The following ADAMTS17 variants were observed in gnomAD, a reference collection of about 807,000 sequenced individuals.
ADAMTS17 encodes ADAM metallopeptidase with thrombospondin type 1 motif 17.
A neutral mutation model predicts 141.5 loss-of-function variants in ADAMTS17; 113 were observed. That is an observed-to-expected ratio of 0.80 (90% CI 0.69 to 0.93). ADAMTS17 has a LOEUF of 0.93. Ranked by LOEUF, ADAMTS17 falls within the 40% of genes least tolerant of loss-of-function variation. The pLI, the probability that ADAMTS17 is intolerant of heterozygous loss-of-function variation, is 0.00. For synonymous variants in ADAMTS17, 768 were observed against 630.6 expected (o/e 1.22, Z -3.27); for missense variants, 1,659 against 1,517.9 (o/e 1.09, Z -1.54).
chr15:100,089,347 G>C (rs1205659993), intron 15 of ADAMTS17, among the ~76,000 whole-genome samples: 1 of 139,466 alleles, frequency 7.2e-6, no homozygotes, highest in Non-Finnish European at 1.5e-5. Flanking sequence ...GTGCTGGAGA[G>C]GATGTGGAGA....
intron 8 of ADAMTS17, among the ~76,000 whole-genome samples, chr15:100,174,989 T>C (rs1049646132): frequency 6.6e-6 from 1 of 152,106 alleles, no homozygotes; most frequent in Admixed American, 6.5e-5. Flanking sequence ...CCTCCCAGAA[T>C]ATGCAGCCCT....
intron 8 of ADAMTS17, among the ~76,000 whole-genome samples, chr15:100,173,295 C>A (rs759129593): frequency 6.6e-6 from 1 of 152,130 alleles, no homozygotes; most frequent in East Asian, 1.9e-4. Context: ...CCCTACAGGG[C>A]AAGTTCATCT....
At chr15:100,107,494 G>A (rs2036482307) in intron 14 of ADAMTS17, among the ~76,000 whole-genome samples, 1 of 152,200 alleles carries the variant, frequency 6.6e-6, no homozygotes, top group Admixed American at 6.5e-5. Flanking sequence ...ATGTGTGGCT[G>A]AGGGCAGAGC....
At chr15:100,227,764 G>A (rs1403913046) in intron 7 of ADAMTS17, among the ~76,000 whole-genome samples, 2 of 152,238 alleles carry the variant, frequency 1.3e-5, no homozygotes, top group Non-Finnish European at 2.9e-5. Context: ...TGCTGCAAGG[G>A]AGACCAGGTA....
intron 3 of ADAMTS17, among the ~76,000 whole-genome samples, chr15:100,284,522 C>G (rs755206601): frequency 6.6e-6 from 1 of 152,136 alleles, no homozygotes; most frequent in African/African-American, 2.4e-5. Flanking sequence ...GGCAAGAGAC[C>G]GTGGACTTGC....
intron 15 of ADAMTS17, among the ~76,000 whole-genome samples, chr15:100,069,766 C>T (rs1464145131): frequency 1.3e-5 from 2 of 149,524 alleles, no homozygotes; most frequent in African/African-American, 4.9e-5. Flanking sequence ...AAAGGAACAA[C>T]TGGTAACAGC....
chr15:99,980,697 G>A (rs888303333), intron 20 of ADAMTS17: 1 of 152,262 alleles, frequency 6.6e-6, no homozygotes, highest in African/African-American at 2.4e-5. Context: ...TTCTGCGAGT[G>A]TTGCTGATAT....
intron 13 of ADAMTS17, among the ~76,000 whole-genome samples, chr15:100,112,196 G>A (rs1429702231): frequency 6.6e-6 from 1 of 152,176 alleles, no homozygotes; most frequent in Non-Finnish European, 1.5e-5. Context: ...AAGCAGGAAG[G>A]CCAACCTCAG....
At chr15:100,054,108 A>C (rs565497798) in intron 15 of ADAMTS17, 54 bp from the exon 16 acceptor site, 1 of 1,608,974 alleles carries the variant, frequency 6.2e-7, no homozygotes, top group African/African-American at 1.3e-5. Flanking sequence ...AGGGGGATCC[A>C]GCCTGTCTTT....
At chr15:100,244,482 G>A (rs1278264156) in intron 7 of ADAMTS17, among the ~76,000 whole-genome samples, 1 of 151,750 alleles carries the variant, frequency 6.6e-6, no homozygotes, top group Non-Finnish European at 1.5e-5. Flanking sequence ...GGAGGGACCT[G>A]GTGGGAGGTA....
chr15:100,231,032 T>C (rs1335520275), intron 7 of ADAMTS17, among the ~76,000 whole-genome samples: 1 of 152,206 alleles, frequency 6.6e-6, no homozygotes, highest in Non-Finnish European at 1.5e-5. Flanking sequence ...CAAAAGGAAT[T>C]GTGAAGTTGG....
intron 7 of ADAMTS17, among the ~76,000 whole-genome samples, chr15:100,210,720 C>T (rs2041772918): frequency 6.6e-6 from 1 of 152,142 alleles, no homozygotes. Flanking sequence ...AATCCCAGCA[C>T]CATGGGAGGC....
rs1273223053 is a variant in ADAMTS17, at chr15:100,341,311, G to C, written c.178C>G (p.Arg60Gly). The change falls in exon 2 of 22, where the codon CGA becomes GGA. Residue 60 changes from arginine (R) to glycine (G), a missense_variant. Transcript: ENST00000268070. ...GGCGTGCGGGGGCGTCGCCGCCGTC[G>C]GGGCCCGGGGGCTGCGGGCAGCGGC... ...LPPLPAAPGPRRRRRPRTPPA... is the reference protein window; with the variant it reads ...LPPLPAAPGPGRRRRPRTPPA... 1.0e-5 allele frequency: 11 copies of C among 1,050,586 alleles called. No homozygotes were observed. The Admixed American group carries it at 1.7e-4, about 16-fold the overall frequency. 65.1% of individuals were successfully genotyped at this position (1,050,586 alleles called of 1,614,324 possible).
At chr15:100,331,932 A>G (rs2046065644) in intron 2 of ADAMTS17, among the ~76,000 whole-genome samples, 1 of 152,080 alleles carries the variant, frequency 6.6e-6, no homozygotes, top group South Asian at 2.1e-4. Flanking sequence ...ACGCAGAGCT[A>G]ACTCCAGTCT....
chr15:99,984,064 T>C (rs373746973), intron 20 of ADAMTS17, among the ~76,000 whole-genome samples: 4 of 152,020 alleles, frequency 2.6e-5, no homozygotes, highest in East Asian at 3.9e-4. Context: ...AGACACCCCC[T>C]CCCACGCCCC....
chr15:100,304,259 G>A (rs1294167718), intron 3 of ADAMTS17, among the ~76,000 whole-genome samples: 3 of 152,140 alleles, frequency 2.0e-5, no homozygotes, highest in Non-Finnish European at 2.9e-5. Context: ...CCAAGCACTG[G>A]ACTCCTGGCT....
chr15:100,212,873 A>G (rs991055890), intron 7 of ADAMTS17, among the ~76,000 whole-genome samples: 7 of 151,956 alleles, frequency 4.6e-5, no homozygotes, highest in African/African-American at 1.2e-4. Context: ...TGGAGTGGGA[A>G]TCAGCCAAGG....
intron 7 of ADAMTS17, among the ~76,000 whole-genome samples, chr15:100,236,335 C>A (rs943861328): frequency 6.8e-6 from 1 of 146,762 alleles, no homozygotes; most frequent in South Asian, 2.2e-4. Flanking sequence ...CACAATAAGG[C>A]AGGGCTTCTC....
At chr15:100,042,915 G>A (rs1489733825) in intron 18 of ADAMTS17, among the ~76,000 whole-genome samples, 1 of 152,078 alleles carries the variant, frequency 6.6e-6, no homozygotes, top group Non-Finnish European at 1.5e-5. Flanking sequence ...CAAATAAGTG[G>A]GAACTACTGT....
Sources: gnomAD v4.1 joint callset for allele counts (sites outside exome capture counted in the v4.1 genomes callset) on GRCh38, gnomAD v4.1.1 for gene constraint, MANE v1.5 for transcripts, NCBI Gene and HGNC (gene_info 2026-07-23, HGNC 2026-07-21) for gene names.